Variants in RSRP1 observed in about 807,000 individuals in gnomAD.
The protein encoded by RSRP1 is arginine and serine rich protein 1.
RSRP1 carries 37 observed loss-of-function variants against 33.0 expected under a neutral mutation model. That is an observed-to-expected ratio of 1.12 (90% CI 0.86 to 1.48). The LOEUF (loss-of-function observed/expected upper bound fraction) is 1.48, where lower values mean the gene tolerates loss of function less well. Ranked by LOEUF, RSRP1 falls within the 40% of genes most tolerant of loss-of-function variation. The probability of loss-of-function intolerance (pLI) is 0.00; values close to 1 mark genes in which losing one functional copy is unlikely to be tolerated. For synonymous variants in RSRP1, 167 were observed against 158.7 expected, an observed-to-expected ratio of 1.05 and a Z score of -0.40; for missense variants, 402 against 385.3, an observed-to-expected ratio of 1.04 and a Z score of -0.36.
rs186318874 is a variant in RSRP1 at position 25,286,159 on chromosome 1, C to T, written c.-66-39130G>A. Among the ~76,000 whole-genome samples the T allele has an allele frequency of 5.9e-3, 799 of 135,036 alleles. 210 individuals carry two copies. The highest frequency in any genetic ancestry group is 0.011 in the Non-Finnish European group (638 of 56,980). 88.6% of individuals were successfully genotyped at this position (135,036 alleles called of 152,430 possible). A position where few individuals can be genotyped will look rare whatever the true frequency, so the allele number is the denominator to read the frequency against. On this transcript the variant is annotated intron_variant, in intron 1 of 1. Coordinates refer to the RSRP1 transcript ENST00000561867. ...ACAGTCTAGCCAGCTCCCGATTGGC[C>T]CTGGAGGGAAAAAACTTTATATATT...
At chr1:25,332,724 A>C (rs569797913) in intron 1 of RSRP1, among the ~76,000 whole-genome samples, 1 of 133,234 alleles carries the variant, frequency 7.5e-6, no homozygotes, top group South Asian at 2.3e-4. Context: ...AACAGAAAAC[A>C]AACAGATATA....
At chr1:25,302,201 G>A (rs1362904390) in intron 1 of RSRP1, among the ~76,000 whole-genome samples, 2 of 131,236 alleles carry the variant, frequency 1.5e-5, no homozygotes, top group East Asian at 3.9e-4. Flanking sequence ...TGCTTAACGG[G>A]GAGTAAATGG....
In RSRP1 at chr1:25,298,481, C is replaced by T. The variant is rs570963851; in HGVS notation, c.-67+39497G>A. ...GCAGGAGGGCCCGGGGGAACCAGAG[C>T]CAGGGACCAGAGTCATTTCAGTGCA... On this transcript the variant is annotated intron_variant, in intron 1 of 1. Transcript: ENST00000561867. 1.6e-5 allele frequency among the ~76,000 whole-genome samples: 2 copies of T among 127,612 alleles called. 1 individual carries two copies. The allele number at this position is 127,612 out of a possible 152,430, so 83.7% of individuals were successfully genotyped here. A position where few individuals can be genotyped will look rare whatever the true frequency, so the allele number is the denominator to read the frequency against.
chr1:25,315,199 T>G (rs1171443126), intron 1 of RSRP1, among the ~76,000 whole-genome samples: 1 of 130,148 alleles, frequency 7.7e-6, no homozygotes, highest in African/African-American at 2.6e-5. Context: ...TCCCCCTGAT[T>G]TTTTTCCTAA....
At chr1:25,293,675 A>G (rs1016923520) in intron 1 of RSRP1, among the ~76,000 whole-genome samples, 1 of 131,690 alleles carries the variant, frequency 7.6e-6, no homozygotes, top group African/African-American at 2.6e-5. Context: ...TCCCTAGTAT[A>G]TGTAACCATC....
intron 1 of RSRP1, among the ~76,000 whole-genome samples, chr1:25,331,009 G>A (rs1644994900): frequency 1.1e-5 from 1 of 91,180 alleles, no homozygotes; most frequent in Non-Finnish European, 2.4e-5. Context: ...TATCGCCCAG[G>A]CTGGAGTGCA....
In RSRP1 at chr1:25,290,760, A is replaced by C. The variant is rs17418085; in HGVS notation, c.-66-43731T>G. The C allele has an allele frequency of 3.5e-3, 4,815 of 1,375,542 alleles. 817 individuals are homozygous for C. In the African/African-American group the frequency reaches 0.056, roughly 16 times the overall value. 85.2% of individuals were successfully genotyped at this position (1,375,542 alleles called of 1,614,324 possible). ...CTGGTGGAGGTGACAGCTTTAGGCA[A>C]CCTGAGGATGGTCATCAGTAATATC... is the stretch of plus-strand genomic sequence containing the variant. On this transcript the variant is annotated intron_variant, in intron 1 of 1. Transcript: ENST00000561867.
In RSRP1 at chr1:25,289,279, C is replaced by G. The variant is rs1417080221; in HGVS notation, c.-66-42250G>C. On this transcript the variant is annotated intron_variant, in intron 1 of 1. Transcript: ENST00000561867. ...GTGCAGTCTCGGCCCACTGAAACCT[C>G]TGCCTCCCGGGTTCAAGCGACTGCC... Among the ~76,000 whole-genome samples, 32 of 132,110 alleles carry G rather than the reference C, an allele frequency of 2.4e-4. 5 individuals are homozygous for G. Among genetic ancestry groups the G allele is most frequent in the African/African-American group, 7.5e-4 (29 of 38,746 alleles). The allele number at this position is 132,110 out of a possible 152,430, so 86.7% of individuals were successfully genotyped here. A position where few individuals can be genotyped will look rare whatever the true frequency, so the allele number is the denominator to read the frequency against.
intron 1 of RSRP1, among the ~76,000 whole-genome samples, chr1:25,258,657 A>G (rs1640023576): frequency 6.6e-6 from 1 of 152,244 alleles, no homozygotes; most frequent in Non-Finnish European, 1.5e-5. Context: ...TATCTACTGA[A>G]TGAACAAGAA....
chr1:25,253,513 G>A (rs1487886550), intron 1 of RSRP1: 3 of 151,856 alleles, frequency 2.0e-5, no homozygotes, highest in African/African-American at 7.3e-5. Context: ...TGACATGCGC[G>A]ACCACGTCCA....
chr1:25,256,975 T>C (rs1639968687), intron 1 of RSRP1, among the ~76,000 whole-genome samples: 1 of 152,252 alleles, frequency 6.6e-6, no homozygotes, highest in African/African-American at 2.4e-5. Context: ...CAGCCTGGCT[T>C]GGAGGCATAT....
At chr1:25,319,695 A>C (rs868227994) in intron 1 of RSRP1, among the ~76,000 whole-genome samples, 15 of 132,390 alleles carry the variant, frequency 1.1e-4, no homozygotes, top group Middle Eastern at 4.1e-3. Context: ...CTCCCAGAAG[A>C]CAAGCATTTA....
At chr1:25,312,919 C>CAAAAAAAAAAAAAAAAAAAAA (rs1571719513) in intron 1 of RSRP1, among the ~76,000 whole-genome samples, 1 of 3,618 alleles carries the variant, frequency 2.8e-4, no homozygotes, top group Non-Finnish European at 1.0e-3. Context: ...AATCCCATCT[C>CAAAAAAAAAAAAAAAAAAAAA]TAAAAAAAAA....
upstream of RSRP1, among the ~76,000 whole-genome samples, chr1:25,250,019 C>T (rs949308647): frequency 6.6e-6 from 1 of 152,100 alleles, no homozygotes; most frequent in African/African-American, 2.4e-5. Flanking sequence ...AGACAGCTAG[C>T]GCTCAAAATT....
intron 1 of RSRP1, among the ~76,000 whole-genome samples, chr1:25,315,220 T>TA (rs1644377766): frequency 7.7e-6 from 1 of 129,226 alleles, no homozygotes; most frequent in Admixed American, 7.5e-5. Context: ...AAATCACTTA[T>TA]TATTAGATCA....
At chr1:25,250,401 G>A (rs1181180757), upstream of RSRP1, among the ~76,000 whole-genome samples, 1 of 152,204 alleles carries the variant, frequency 6.6e-6, no homozygotes, top group Non-Finnish European at 1.5e-5. Context: ...GTCCGGCTCT[G>A]TCTGCTAGGA....
At chr1:25,306,790 T>G in intron 1 of RSRP1, 1 of 1,324,922 alleles carries the variant, frequency 7.5e-7, no homozygotes, top group East Asian at 2.3e-5. Context: ...GGAAGAAATG[T>G]GTGCAGAGTC....
In RSRP1 at chr1:25,335,756, G is replaced by C. The variant is rs1645067145; in HGVS notation, c.-67+2222C>G. 2.6e-5 allele frequency: 2 copies of C among 76,832 alleles called. 1 individual carries two copies. Among genetic ancestry groups the C allele is most frequent in the Admixed American group, 2.9e-4 (2 of 6,790 alleles). 4.8% of individuals were successfully genotyped at this position (76,832 alleles called of 1,614,324 possible). A position where few individuals can be genotyped will look rare whatever the true frequency, so the allele number is the denominator to read the frequency against. ...TTTGTGTGTGCACATGCATGTGTAT[G>C]TGTTTTACGATAGTAGGCCCAACAG... On this transcript the variant is annotated intron_variant, in intron 1 of 1. Coordinates refer to the RSRP1 transcript ENST00000561867.
chr1:25,297,689 A>G (rs1643068738), intron 1 of RSRP1, among the ~76,000 whole-genome samples: 1 of 131,770 alleles, frequency 7.6e-6, no homozygotes, highest in Non-Finnish European at 1.8e-5. Flanking sequence ...ACACACTTCC[A>G]TTTTCTGCCT....
Sources: gnomAD v4.1 joint callset for allele counts (sites outside exome capture counted in the v4.1 genomes callset) on GRCh38, gnomAD v4.1.1 for gene constraint, MANE v1.5 for transcripts, NCBI Gene and HGNC (gene_info 2026-07-23, HGNC 2026-07-21) for gene names.